FAM135B: variants seen among roughly 807,000 people sequenced by gnomAD.
FAM135B encodes family with sequence similarity 135 member B.
Under a neutral mutation model 127.7 loss-of-function variants are expected in FAM135B, and 43 were observed. The observed-to-expected ratio is 0.34, with a 90% confidence interval of 0.26 to 0.43. FAM135B has a LOEUF of 0.43. Ranked by LOEUF, FAM135B falls within the 20% of genes least tolerant of loss-of-function variation. The probability of loss-of-function intolerance (pLI) is 1.00; values close to 1 mark genes in which losing one functional copy is unlikely to be tolerated. For missense variants in FAM135B, 1,558 were observed against 1,725.6 expected (o/e 0.90, Z 1.72); for synonymous variants, 670 against 665.1 (o/e 1.01, Z -0.11).
rs2130762813 is a variant in FAM135B at position 138,152,263 on chromosome 8, T to A, written c.2212A>T (p.Ser738Cys). Reference sequence around the variant, plus strand: ...GAAGCCTGGATGCCGCTTGGCAAACTTGTGTTACTTTCTGTGTGTCCACCC... The same window carrying A: ...GAAGCCTGGATGCCGCTTGGCAAACATGTGTTACTTTCTGTGTGTCCACCC... ...LEGGHTESNT[S>C]LPSGIQASLT... The change falls in exon 13 of 20, where the codon AGT becomes TGT. Residue 738 changes from serine (S) to cysteine (C), a missense_variant. By Grantham distance (112) the Ser-to-Cys change is moderately radical. Around this residue, in one of 5 missense-constraint regions of FAM135B, gnomAD observed 923 missense variants for 865.3 expected, o/e 1.07. Transcript: ENST00000395297. The A allele has an allele frequency of 6.2e-7, 1 of 1,614,106 alleles. No homozygotes were observed. The highest frequency in any genetic ancestry group is 8.5e-7 in the Non-Finnish European group (1 of 1,180,034).
At position 138,457,295 on chromosome 8, in the gene FAM135B, A is replaced by G. The variant is rs553005509; in HGVS notation, c.-20+39376T>C. On this transcript the variant is annotated intron_variant, in intron 1 of 19. Coordinates refer to ENST00000395297, the MANE Select transcript of FAM135B (RefSeq NM_015912.4). ...AGCAGGAGTGAGAGCCGTGGCAGAG[A>G]CGGCTGGAGATGGTGTAGGCCATGG... is the stretch of plus-strand genomic sequence containing the variant. Among the ~76,000 whole-genome samples, 22 of 152,240 alleles carry G rather than the reference A, an allele frequency of 1.4e-4. No homozygotes were observed. In the South Asian group the frequency reaches 4.6e-3, roughly 32 times the overall value.
chr8:138,197,898 A>C (rs1816790703), intron 7 of FAM135B, among the ~76,000 whole-genome samples: 1 of 152,196 alleles, frequency 6.6e-6, no homozygotes, highest in African/African-American at 2.4e-5. Flanking sequence ...CAACACTGAA[A>C]TCTGCCACAC....
intron 1 of FAM135B, among the ~76,000 whole-genome samples, chr8:138,383,502 T>C (rs1831995598): frequency 6.6e-6 from 1 of 152,212 alleles, no homozygotes; most frequent in Non-Finnish European, 1.5e-5. Context: ...GTTATTTCTA[T>C]TCATAATTTA....
chr8:138,447,876 G>T (rs1430887148), intron 1 of FAM135B, among the ~76,000 whole-genome samples: 2 of 151,812 alleles, frequency 1.3e-5, no homozygotes, highest in African/African-American at 4.8e-5. Flanking sequence ...GGGACAGAGT[G>T]CTGGGGAAGC....
chr8:138,197,342 A>G lies in FAM135B; in HGVS notation c.823+174T>C, dbSNP rs1019698040. Among the ~76,000 whole-genome samples the G allele has an allele frequency of 2.6e-4, 39 of 152,164 alleles. 1 individual carries two copies. The highest frequency in any genetic ancestry group is 8.9e-4 in the African/African-American group (37 of 41,440). ...AGGAACATGTGTCTTCTCTTACTGCATTTGCATTTCCCAGATCCTCTCCTG... is the reference window on the plus strand; with the variant it reads ...AGGAACATGTGTCTTCTCTTACTGCGTTTGCATTTCCCAGATCCTCTCCTG... On this transcript the variant is annotated intron_variant, in intron 8 of 19. Coordinates refer to ENST00000395297, the MANE Select transcript of FAM135B (RefSeq NM_015912.4).
Position 138,195,299 on chromosome 8 carries a change from C to T in FAM135B, c.832G>A (p.Ala278Thr). Residue 278 changes from alanine to threonine, a missense_variant, in exon 9 of 20, where the codon GCT becomes ACT. Physicochemically the swap from Ala to Thr is moderately conservative, Grantham distance 58. This residue lies in a region of FAM135B where 127 missense variants were observed against 109.7 expected (regional missense o/e 1.16). Transcript: ENST00000395297. ...ELPHTELEAL[A>T]VEETLSQLCS... Reference sequence around the variant, plus strand: ...AGCTGAGAAAGTGTTTCTTCAACAGCAAGGGCCTCTAGAAAGAAAAAATAA... The same window carrying T: ...AGCTGAGAAAGTGTTTCTTCAACAGTAAGGGCCTCTAGAAAGAAAAAATAA... The T allele has an allele frequency of 1.2e-6, 2 of 1,613,848 alleles. No individual in the cohort carries two copies. The highest frequency in any genetic ancestry group is 1.7e-6 in the Non-Finnish European group (2 of 1,179,930).
At chr8:138,394,350 C>G (rs943822083) in intron 1 of FAM135B, among the ~76,000 whole-genome samples, 2 of 152,116 alleles carry the variant, frequency 1.3e-5, no homozygotes, top group African/African-American at 4.8e-5. Context: ...TGTACCACAT[C>G]ATCTCCTTCA....
chr8:138,474,815 G>T (rs1444521677), intron 1 of FAM135B, among the ~76,000 whole-genome samples: 1 of 152,184 alleles, frequency 6.6e-6, no homozygotes, highest in African/African-American at 2.4e-5. Context: ...TGAAGGTTCG[G>T]TCTGGACTCT....
intron 7 of FAM135B, among the ~76,000 whole-genome samples, chr8:138,214,228 T>A (rs556836091): frequency 6.6e-6 from 1 of 152,320 alleles, no homozygotes; most frequent in South Asian, 2.1e-4. Context: ...ACTCAAATAC[T>A]CTTACTATTT....
At chr8:138,484,526 G>A (rs911939661) in intron 1 of FAM135B, among the ~76,000 whole-genome samples, 3 of 152,044 alleles carry the variant, frequency 2.0e-5, no homozygotes, top group Admixed American at 2.0e-4. Context: ...TATTTTTTTA[G>A]GGCTAATGAT....
intron 2 of FAM135B, among the ~76,000 whole-genome samples, chr8:138,350,336 A>C (rs375681510): frequency 1.6e-4 from 24 of 152,340 alleles, no homozygotes; most frequent in African/African-American, 5.5e-4. Flanking sequence ...CAAGGGCACA[A>C]GGCAACCAAC....
At chr8:138,337,119 G>C (rs1190814469) in intron 2 of FAM135B, among the ~76,000 whole-genome samples, 2 of 152,016 alleles carry the variant, frequency 1.3e-5, no homozygotes, top group African/African-American at 4.8e-5. Context: ...AAAATAATAA[G>C]AGCTATCTAT....
At chr8:138,493,728 A>C (rs1815284953) in intron 1 of FAM135B, among the ~76,000 whole-genome samples, 1 of 152,194 alleles carries the variant, frequency 6.6e-6, no homozygotes, top group South Asian at 2.1e-4. Flanking sequence ...GAAAAGAACA[A>C]ATTTACTTAG....
intron 1 of FAM135B, among the ~76,000 whole-genome samples, chr8:138,410,090 A>G (rs912609625): frequency 3.2e-4 from 49 of 152,256 alleles, no homozygotes; most frequent in Admixed American, 1.1e-3. Flanking sequence ...TGCAGCAAGG[A>G]CAGGATGGTG....
intron 7 of FAM135B, among the ~76,000 whole-genome samples, chr8:138,207,357 C>G (rs1339134771): frequency 6.6e-6 from 1 of 151,878 alleles, no homozygotes; most frequent in Non-Finnish European, 1.5e-5. Context: ...TACAGGCTCC[C>G]ATCACCACAC....
At chr8:138,262,640 C>T (rs939015884) in intron 4 of FAM135B, among the ~76,000 whole-genome samples, 1 of 152,064 alleles carries the variant, frequency 6.6e-6, no homozygotes, top group South Asian at 2.1e-4. Flanking sequence ...GTGGCTCACA[C>T]CTGTAATCCC....
intron 2 of FAM135B, among the ~76,000 whole-genome samples, chr8:138,314,693 C>CAATCAATAAATAAATAAATAAATA (rs1826937940): frequency 3.3e-5 from 4 of 120,296 alleles, no homozygotes; most frequent in Non-Finnish European, 5.2e-5. Context: ...CCCATCCCTA[C>CAATCAATAAATAAATAAATAAATA]AATAAATAAA....
intron 7 of FAM135B, among the ~76,000 whole-genome samples, chr8:138,224,965 G>A (rs753655420): frequency 3.3e-4 from 50 of 152,084 alleles, no homozygotes; most frequent in Non-Finnish European, 5.4e-4. Flanking sequence ...AGGACAAATT[G>A]GTTCAAGGAT....
intron 7 of FAM135B, among the ~76,000 whole-genome samples, chr8:138,219,752 A>C (rs1258328362): frequency 6.6e-6 from 1 of 152,010 alleles, no homozygotes; most frequent in African/African-American, 2.4e-5. Context: ...TTCCTATTGC[A>C]TTAGCACGGA....
Sources: allele counts gnomAD v4.1 joint callset (sites outside exome capture counted in the v4.1 genomes callset), GRCh38; gene constraint gnomAD v4.1.1; regional missense constraint gnomAD v4.1.1; transcripts MANE v1.5; gene names NCBI Gene and HGNC (gene_info 2026-07-23, HGNC 2026-07-21).